Variants in RBFOX1 observed in about 807,000 individuals in gnomAD.
RBFOX1 encodes RNA binding fox-1 homolog 1, also known as RNA binding protein fox-1 homolog 1.
A neutral mutation model predicts 57.7 loss-of-function variants in RBFOX1; 8 were observed. The observed-to-expected ratio is 0.14, with a 90% CI of 0.08 to 0.25. RBFOX1 has a LOEUF of 0.25. Among genes scored for constraint, RBFOX1 ranks in the 10% least tolerant of loss-of-function variants. The pLI is 1.00. For missense variants in RBFOX1, 611 were observed against 548.5 expected (o/e 1.11, Z -1.14); for synonymous variants, 326 against 222.4 (o/e 1.47, Z -4.15).
chr16:7,364,174 C>T (rs990471936), intron 4 of RBFOX1, among the ~76,000 whole-genome samples: 1 of 152,174 alleles, frequency 6.6e-6, no homozygotes, highest in African/African-American at 2.4e-5. Context: ...GCTCAGCTTA[C>T]GTCTGACGAG....
Position 6,926,058 on chromosome 16 carries a change from C to T in RBFOX1, c.-15-125999C>T, listed in dbSNP as rs531045663. ...GCTTGGTGGCTCGTGTTAGTCCCAG[C>T]ACTTTGGGAGGCCGAGGTGGGTTGA... On this transcript the variant is annotated intron_variant, in intron 3 of 15. Transcript: ENST00000550418. 1.1e-4 allele frequency among the ~76,000 whole-genome samples: 17 copies of T among 152,196 alleles called. No homozygotes were observed. In the South Asian group the frequency reaches 3.1e-3, roughly 28 times the overall value.
chr16:6,075,605 A>G (rs969100946), intron 1 of RBFOX1, among the ~76,000 whole-genome samples: 9 of 152,230 alleles, frequency 5.9e-5, no homozygotes, highest in African/African-American at 2.2e-4. Context: ...ACATACACAC[A>G]CACAAAGACA....
At chr16:6,654,724 G>T (rs899200453) in intron 3 of RBFOX1, 74 bp downstream of exon 3, 1 of 1,147,204 alleles carries the variant, frequency 8.7e-7, no homozygotes, top group Non-Finnish European at 1.2e-6. Context: ...GGTGTTTAAG[G>T]CATGCCCCTC....
chr16:6,627,672 A>T (rs907492337), intron 2 of RBFOX1, among the ~76,000 whole-genome samples: 2 of 152,322 alleles, frequency 1.3e-5, no homozygotes, highest in Non-Finnish European at 2.9e-5. Flanking sequence ...CTTTCCAGAA[A>T]AATGAGCAGC....
chr16:6,941,545 C>A (rs528709445), intron 3 of RBFOX1, among the ~76,000 whole-genome samples: 1 of 152,010 alleles, frequency 6.6e-6, no homozygotes, highest in South Asian at 2.1e-4. Flanking sequence ...AAGGTTCTCA[C>A]ACCTGTCCAC....
intron 2 of RBFOX1, among the ~76,000 whole-genome samples, chr16:6,332,847 G>C (rs906698358): frequency 1.3e-5 from 2 of 152,164 alleles, no homozygotes; most frequent in Non-Finnish European, 2.9e-5. Flanking sequence ...AAAATGTAGA[G>C]ATGAATCCTT....
intron 4 of RBFOX1, among the ~76,000 whole-genome samples, chr16:7,087,573 A>G (rs1371656644): frequency 1.5e-5 from 2 of 135,602 alleles, no homozygotes; most frequent in African/African-American, 5.4e-5. Context: ...AAGGAGGGAG[A>G]GAGGGAGGGA....
chr16:6,497,734 T>A (rs1434781199), intron 2 of RBFOX1, among the ~76,000 whole-genome samples: 1 of 151,858 alleles, frequency 6.6e-6, no homozygotes, highest in Non-Finnish European at 1.5e-5. Flanking sequence ...TTTTTGTATT[T>A]TTAGTAGAGA....
chr16:6,743,240 G>C (rs557741991), intron 3 of RBFOX1, among the ~76,000 whole-genome samples: 1 of 152,176 alleles, frequency 6.6e-6, no homozygotes, highest in African/African-American at 2.4e-5. Context: ...TTCAATTATT[G>C]TGAAACAAGA....
At chr16:6,471,563 T>C (rs2153080798) in intron 2 of RBFOX1, among the ~76,000 whole-genome samples, 1 of 143,582 alleles carries the variant, frequency 7.0e-6, no homozygotes, top group African/African-American at 2.5e-5. Flanking sequence ...GGAAGATATC[T>C]TTATGCTTAT....
At chr16:7,598,359 G>A (rs2094820405) in intron 9 of RBFOX1, among the ~76,000 whole-genome samples, 1 of 152,134 alleles carries the variant, frequency 6.6e-6, no homozygotes. Flanking sequence ...TAATGGTTGT[G>A]CTGAATTGTG....
intron 3 of RBFOX1, among the ~76,000 whole-genome samples, chr16:5,746,152 T>C (rs9926222): frequency 0.28 from 43,345 of 152,094 alleles, 6,595 homozygotes; most frequent in East Asian, 0.59. Context: ...CAGCTTTCTC[T>C]ATATGGCTAG....
chr16:7,492,982 G>A lies in RBFOX1; in HGVS notation c.28-25165G>A, dbSNP rs187107572. Among the ~76,000 whole-genome samples the A allele has an allele frequency of 7.5e-4, 114 of 152,226 alleles. 3 individuals carry two copies. In the East Asian group the frequency reaches 0.021, roughly 27 times the overall value. On this transcript the variant is annotated intron_variant, in intron 4 of 15. Coordinates refer to ENST00000550418, the MANE Select transcript of RBFOX1 (RefSeq NM_018723.4). ...CAACCTCCGCCTCCCAGGTTCAAGCGATTCTCCTGCCTCAGCCTGCCGAGT... is the reference window on the plus strand; with the variant it reads ...CAACCTCCGCCTCCCAGGTTCAAGCAATTCTCCTGCCTCAGCCTGCCGAGT...
chr16:6,182,857 A>G (rs2097075109), intron 1 of RBFOX1, among the ~76,000 whole-genome samples: 1 of 152,232 alleles, frequency 6.6e-6, no homozygotes, highest in Non-Finnish European at 1.5e-5. Flanking sequence ...TGTGAAGAAT[A>G]GAACACATTC....
intron 4 of RBFOX1, among the ~76,000 whole-genome samples, chr16:7,261,104 AAGTC>A (rs1229371263): frequency 6.6e-5 from 10 of 152,130 alleles, no homozygotes; most frequent in African/African-American, 9.7e-5. Context: ...CAATGGCATC[AAGTC>A]AGGACTTCCT....
chr16:6,645,259 C>G (rs918516318), intron 2 of RBFOX1, among the ~76,000 whole-genome samples: 20 of 152,152 alleles, frequency 1.3e-4, no homozygotes, highest in Admixed American at 3.3e-4. Context: ...TGCACAGACT[C>G]CATTTGCAAA....
chr16:5,319,158 CAT>C (rs2064328726), intron 1 of RBFOX1, among the ~76,000 whole-genome samples: 1 of 150,986 alleles, frequency 6.6e-6, no homozygotes, highest in Non-Finnish European at 1.5e-5. Flanking sequence ...AACAAAAAAA[CAT>C]AAAAAACCAG....
At chr16:7,175,731 G>A (rs2081528582) in intron 4 of RBFOX1, among the ~76,000 whole-genome samples, 1 of 152,056 alleles carries the variant, frequency 6.6e-6, no homozygotes, top group Admixed American at 6.6e-5. Context: ...CGCAGTAGTT[G>A]GTATTATTTC....
chr16:6,558,304 G>C (rs1052622169), intron 2 of RBFOX1, among the ~76,000 whole-genome samples: 1 of 152,120 alleles, frequency 6.6e-6, no homozygotes, highest in African/African-American at 2.4e-5. Flanking sequence ...TAAGAAAGAG[G>C]CCTTACAGAG....
Sources: allele counts gnomAD v4.1 joint callset (sites outside exome capture counted in the v4.1 genomes callset), GRCh38; gene constraint gnomAD v4.1.1; transcripts MANE v1.5; gene names NCBI Gene and HGNC (gene_info 2026-07-23, HGNC 2026-07-21).